Variants in PRKCH observed in about 807,000 individuals in gnomAD.
PRKCH encodes the protein protein kinase C eta type.
A neutral mutation model predicts 82.5 loss-of-function variants in PRKCH; 28 were observed. That is an observed-to-expected ratio of 0.34 (90% confidence interval 0.25 to 0.47). PRKCH has a LOEUF of 0.47. Ranked by LOEUF, PRKCH falls within the 20% of genes least tolerant of loss-of-function variation. The probability of loss-of-function intolerance (pLI) is 1.00; values close to 1 mark genes in which losing one functional copy is unlikely to be tolerated. For synonymous variants in PRKCH, 322 were observed against 327.4 expected (o/e 0.98, Z 0.18); for missense variants, 705 against 881.8 (o/e 0.80, Z 2.54).
intron 1 of PRKCH, among the ~76,000 whole-genome samples, chr14:61,274,239 G>C (rs533415484): frequency 1.3e-5 from 2 of 152,348 alleles, no homozygotes; most frequent in African/African-American, 4.8e-5. Context: ...CAAAGACACG[G>C]AGGTTAGGGC....
chr14:61,542,536 G>A (rs1173849896), intron 12 of PRKCH, among the ~76,000 whole-genome samples: 1 of 152,088 alleles, frequency 6.6e-6, no homozygotes, highest in Non-Finnish European at 1.5e-5. Context: ...CAAGAAAAAG[G>A]AACATTATTT....
intron 2 of PRKCH, among the ~76,000 whole-genome samples, chr14:61,427,033 T>C (rs1448830084): frequency 6.6e-6 from 1 of 152,174 alleles, no homozygotes; most frequent in Non-Finnish European, 1.5e-5. Flanking sequence ...CCTGAGAACA[T>C]GTGCCCAGGG....
chr14:61,301,801 A>G (rs2140104498), intron 1 of PRKCH, among the ~76,000 whole-genome samples: 1 of 152,362 alleles, frequency 6.6e-6, no homozygotes, highest in Non-Finnish European at 1.5e-5. Flanking sequence ...TGATTGCACC[A>G]TTGCATTCCA....
chr14:61,300,875 G>A (rs538251271), intron 1 of PRKCH, among the ~76,000 whole-genome samples: 20 of 152,214 alleles, frequency 1.3e-4, no homozygotes, highest in African/African-American at 3.6e-4. Flanking sequence ...ACGTGGCACT[G>A]GCAAGGTAGA....
chr14:61,435,408 G>A (rs1200048598), intron 2 of PRKCH, among the ~76,000 whole-genome samples: 1 of 152,232 alleles, frequency 6.6e-6, no homozygotes, highest in East Asian at 1.9e-4. Flanking sequence ...TCCAAGGATA[G>A]TGGTACAATT....
intron 1 of PRKCH, among the ~76,000 whole-genome samples, chr14:61,233,054 C>A (rs17098149): frequency 0.45 from 68,856 of 152,002 alleles, 16,965 homozygotes; most frequent in African/African-American, 0.65. Flanking sequence ...CTCAAAAGAT[C>A]CTGCCTTATT....
intron 1 of PRKCH, among the ~76,000 whole-genome samples, chr14:61,262,392 A>T (rs949155055): frequency 2.6e-5 from 4 of 152,160 alleles, no homozygotes; most frequent in African/African-American, 9.7e-5. Flanking sequence ...TATGATAGAG[A>T]ATCTCAAAAG....
chr14:61,455,575 C>G (rs576077031), intron 7 of PRKCH, among the ~76,000 whole-genome samples: 1 of 152,140 alleles, frequency 6.6e-6, no homozygotes, highest in Non-Finnish European at 1.5e-5. Flanking sequence ...ATGCATGGGA[C>G]AGTTATCCCT....
At chr14:61,343,208 A>T (rs957637573) in intron 1 of PRKCH, among the ~76,000 whole-genome samples, 1 of 152,172 alleles carries the variant, frequency 6.6e-6, no homozygotes, top group Non-Finnish European at 1.5e-5. Context: ...AAATCAAAGG[A>T]CTGGCTTGGA....
At chr14:61,281,146 A>T (rs1180057077) in intron 1 of PRKCH, 42 of 1,344,730 alleles carry the variant, frequency 3.1e-5, no homozygotes, top group Non-Finnish European at 4.0e-5. Context: ...GCTCCAGGTC[A>T]TGGCGGCCGC....
chr14:61,426,195 G>A (rs143755904), intron 2 of PRKCH, among the ~76,000 whole-genome samples: 2 of 152,164 alleles, frequency 1.3e-5, no homozygotes, highest in Admixed American at 1.3e-4. Context: ...GCAGTCCAAG[G>A]TGCAACCTGG....
At chr14:61,267,191 T>C (rs2045110765) in intron 1 of PRKCH, among the ~76,000 whole-genome samples, 1 of 152,224 alleles carries the variant, frequency 6.6e-6, no homozygotes, top group Non-Finnish European at 1.5e-5. Flanking sequence ...TCTGAGTATG[T>C]CTGATAGTCT....
chr14:61,465,933 A>C (rs1885236608), intron 9 of PRKCH, among the ~76,000 whole-genome samples: 1 of 152,248 alleles, frequency 6.6e-6, no homozygotes, highest in Admixed American at 6.5e-5. Context: ...TCATTATGTC[A>C]AATGGAAAAG....
chr14:61,320,987 C>T (rs1739324193), upstream of PRKCH, among the ~76,000 whole-genome samples: 1 of 152,354 alleles, frequency 6.6e-6, no homozygotes, highest in Admixed American at 6.5e-5. Context: ...TGCAACAAGA[C>T]ACACCTTCCG....
chr14:61,473,014 G>A (rs908344861), intron 9 of PRKCH, among the ~76,000 whole-genome samples: 2 of 152,288 alleles, frequency 1.3e-5, no homozygotes, highest in East Asian at 1.9e-4. Flanking sequence ...ATTGATCCTC[G>A]TGGAGGTTGG....
At chr14:61,284,940 G>C (rs1233161932) in intron 1 of PRKCH, among the ~76,000 whole-genome samples, 4 of 152,238 alleles carry the variant, frequency 2.6e-5, no homozygotes, top group East Asian at 1.9e-4. Flanking sequence ...ATGAGATGAA[G>C]ATTGAAATAA....
intron 9 of PRKCH, among the ~76,000 whole-genome samples, chr14:61,457,961 A>G (rs1041627069): frequency 1.3e-5 from 2 of 152,188 alleles, no homozygotes; most frequent in African/African-American, 4.8e-5. Context: ...TCTGTAGGTG[A>G]AGTGAAGGTG....
intron 1 of PRKCH, among the ~76,000 whole-genome samples, chr14:61,220,995 C>T (rs1461898733): frequency 5.3e-5 from 8 of 151,874 alleles, no homozygotes; most frequent in Non-Finnish European, 8.8e-5. Flanking sequence ...TACTTGGTGC[C>T]GCTAGTGTTG....
intron 1 of PRKCH, among the ~76,000 whole-genome samples, chr14:61,225,183 G>A (rs917827878): frequency 1.3e-5 from 2 of 152,206 alleles, no homozygotes; most frequent in Non-Finnish European, 2.9e-5. Context: ...AAAAGAGTGT[G>A]TGGCTCACAG....
Sources: gnomAD v4.1 joint callset for allele counts (sites outside exome capture counted in the v4.1 genomes callset) on GRCh38, gnomAD v4.1.1 for gene constraint, MANE v1.5 for transcripts, NCBI Gene and HGNC (gene_info 2026-07-23, HGNC 2026-07-21) for gene names.